The following ZBP1 variants were observed in gnomAD, a reference collection of about 807,000 sequenced individuals.
The protein encoded by ZBP1 is Z-DNA binding protein 1, also known as Z-DNA-binding protein 1.
A neutral mutation model predicts 41.1 loss-of-function variants in ZBP1; 42 were observed. That is an observed-to-expected ratio of 1.02 (90% confidence interval 0.80 to 1.32). The LOEUF is 1.32. Ranked by LOEUF, ZBP1 falls within the 40% of genes most tolerant of loss-of-function variation. The probability of loss-of-function intolerance (pLI) is 0.00; values close to 1 mark genes in which losing one functional copy is unlikely to be tolerated. For missense variants in ZBP1, 562 were observed against 549.7 expected (o/e 1.02, Z -0.22); for synonymous variants, 214 against 205.2 (o/e 1.04, Z -0.37).
rs755572308 is a variant in ZBP1, at chr20:57,604,789, G to A, written c.1094-20C>T. On this transcript the variant is annotated intron_variant, in intron 7 of 7. Transcript: ENST00000371173. Reference sequence around the variant, plus strand: ...GACGACCTAGGGAAGAGAAGATGGGGGATCAGCTTCATGGGCACGTGGCCT... The same window carrying A: ...GACGACCTAGGGAAGAGAAGATGGGAGATCAGCTTCATGGGCACGTGGCCT... The A allele has an allele frequency of 1.9e-6, 3 of 1,604,900 alleles. No homozygotes were observed. Among genetic ancestry groups the A allele is most frequent in the Non-Finnish European group, 2.6e-6 (3 of 1,173,788 alleles).
chr20:57,609,281 C>T (rs1342253499), intron 7 of ZBP1, among the ~76,000 whole-genome samples: 2 of 152,212 alleles, frequency 1.3e-5, no homozygotes, highest in African/African-American at 2.4e-5. Flanking sequence ...TTGGAATCCT[C>T]AGGCTCTGCA....
chr20:57,604,417 C>G lies in ZBP1; in HGVS notation c.*156G>C. On this transcript the variant is annotated 3_prime_UTR_variant, in exon 8 of 8. Coordinates refer to ENST00000371173, the MANE Select transcript of ZBP1 (RefSeq NM_030776.3). Reference sequence around the variant, plus strand: ...AAAAGACCTGGCCTGAACCCATCCCCATGCCAGGTCCATTCCCCCAAAACT... The same window carrying G: ...AAAAGACCTGGCCTGAACCCATCCCGATGCCAGGTCCATTCCCCCAAAACT... 3 of 935,894 alleles carry G rather than the reference C, an allele frequency of 3.2e-6. No homozygotes were observed. In the East Asian group the frequency reaches 7.7e-5, roughly 24 times the overall value. 58.0% of individuals were successfully genotyped at this position (935,894 alleles called of 1,614,324 possible).
chr20:57,612,847 G>T, intron 5 of ZBP1: 5 of 1,154,944 alleles, frequency 4.3e-6, no homozygotes, highest in Non-Finnish European at 5.5e-6. Context: ...GGACCCCATT[G>T]AAAATGAGGC....
intron 7 of ZBP1, chr20:57,607,408 C>T: frequency 2.5e-6 from 3 of 1,183,052 alleles, no homozygotes; most frequent in Non-Finnish European, 3.2e-6. Context: ...TGAGTTGCTT[C>T]TTATGGATGA....
chr20:57,613,190 T>A lies in ZBP1; in HGVS notation c.643A>T (p.Thr215Ser), dbSNP rs1600735801. Residue 215 changes from threonine to serine, a missense_variant, in exon 5 of 8, where the codon ACA (threonine) becomes TCA (serine). By Grantham distance (58) the Thr-to-Ser change is moderately conservative (BLOSUM62 1). Transcript: ENST00000371173. This position sits in a 1 kb window ranked among gnomAD's most constrained non-coding sequence, Gnocchi z 4.5. ...TCCTCCCTGGAGACTGTCTGTCTTG[T>A]AATGATGTTCCCGTGTCCAATCTGG... ...AIQIGHGNII[T>S]RQTVSREDGS... 1.2e-5 allele frequency: 19 copies of A among 1,614,118 alleles called. No homozygotes were observed. Among genetic ancestry groups the A allele is most frequent in the Non-Finnish European group, 1.6e-5 (19 of 1,180,046 alleles).
chr20:57,611,688 G>A (rs1283488102), intron 6 of ZBP1, 39 bp downstream of exon 6: 1 of 1,577,672 alleles, frequency 6.3e-7, no homozygotes. Flanking sequence ...AGGACCCACG[G>A]GGTGGCAGAG....
rs1477756617 is a variant in ZBP1 at position 57,604,786 on chromosome 20, G to A, written c.1094-17C>T. ...GACGACGACCTAGGGAAGAGAAGAT[G>A]GGGGATCAGCTTCATGGGCACGTGG... On this transcript the variant is annotated splice_polypyrimidine_tract_variant and intron_variant, in intron 7 of 7. Coordinates refer to ENST00000371173, the MANE Select transcript of ZBP1 (RefSeq NM_030776.3). 2.5e-6 allele frequency: 4 copies of A among 1,607,116 alleles called. No individual in the cohort carries two copies. Among genetic ancestry groups the A allele is most frequent in the Admixed American group, 1.7e-5 (1 of 59,640 alleles).
At position 57,616,325 on chromosome 20, in the gene ZBP1, G is replaced by A; in HGVS notation, c.178C>T (p.Leu60Phe). The change falls in exon 2 of 8, where the codon CTC (leucine) becomes TTC (phenylalanine). Residue 60 changes from leucine to phenylalanine, a missense_variant. Transcript: ENST00000371173. ...YRMKKELKVS[L>F]TSPATWCLGG... ...AAGCACCAGGTGGCAGGGGATGTGA[G>A]GGAGACTTTCAACTCCTTTTTCATT... is the stretch of plus-strand genomic sequence containing the variant. 6.2e-7 allele frequency: 1 copy of A among 1,614,062 alleles called. No homozygotes were observed. The highest frequency in any genetic ancestry group is 2.2e-5 in the East Asian group (1 of 44,884).
Position 57,620,402 on chromosome 20 carries a change from C to T in ZBP1, c.-107G>A, listed in dbSNP as rs1456572187. 1.8e-5 allele frequency: 23 copies of T among 1,276,194 alleles called. No homozygotes were observed. The East Asian group carries it at 2.9e-4, about 16-fold the overall frequency. The allele number at this position is 1,276,194 out of a possible 1,614,324, so 79.1% of individuals were successfully genotyped here. A position where few individuals can be genotyped will look rare whatever the true frequency, so the allele number is the denominator to read the frequency against. ...TCGAGGCTGGGGCTTCTGAAGTGGCCGAGCCTGGTGCTTCTTGCAGCTCTG... is the reference window on the plus strand; with the variant it reads ...TCGAGGCTGGGGCTTCTGAAGTGGCTGAGCCTGGTGCTTCTTGCAGCTCTG... On this transcript the variant is annotated 5_prime_UTR_variant, in exon 1 of 8. Coordinates refer to ENST00000371173, the MANE Select transcript of ZBP1 (RefSeq NM_030776.3).
Position 57,610,250 on chromosome 20 carries a change from T to G in ZBP1, c.992A>C (p.Asp331Ala). Reference protein sequence around the residue: ...RIHMKSCFLEDATIGNSNKMS... With the variant: ...RIHMKSCFLEAATIGNSNKMS... ...TTTGTTGCTGTTGCCGATGGTGGCG[T>G]CCTCGAGAAAGCACGATTTCATGTG... The change falls in exon 7 of 8, where the codon GAC becomes GCC. Residue 331 changes from aspartate (D) to alanine (A), a missense_variant. Transcript: ENST00000371173. The surrounding 1 kb of genome is among the most constrained non-coding windows in gnomAD (Gnocchi z 5.5). 6.2e-7 allele frequency: 1 copy of G among 1,614,156 alleles called. No homozygotes were observed.
intron 4 of ZBP1, among the ~76,000 whole-genome samples, chr20:57,614,472 AGCTGACCCTGC>A (rs1439988785): frequency 2.0e-5 from 3 of 152,152 alleles, no homozygotes; most frequent in Non-Finnish European, 4.4e-5. Flanking sequence ...CTCACGGGGA[AGCTGACCCTGC>A]GCTGACCCTG....
intron 6 of ZBP1, 84 bp downstream of exon 6, chr20:57,611,643 T>C: frequency 7.1e-7 from 1 of 1,411,982 alleles, no homozygotes; most frequent in Middle Eastern, 2.5e-4. Flanking sequence ...ATGCTTCTCT[T>C]CCCAAAAAGA....
rs144313359 is a variant in ZBP1 at position 57,607,503 on chromosome 20, C to T, written c.1093+2646G>A. The stretch of plus-strand genomic sequence containing the variant: ...TTGAAATGACAACAAAGGATTTAGA[C>T]TGCTATATAAACCTAGTTGGTAAAG... On this transcript the variant is annotated intron_variant, in intron 7 of 7. Coordinates refer to ENST00000371173, the MANE Select transcript of ZBP1 (RefSeq NM_030776.3). 3.0e-4 allele frequency among the ~76,000 whole-genome samples: 46 copies of T among 152,346 alleles called. 1 individual carries two copies. The East Asian group carries it at 7.3e-3, about 24-fold the overall frequency.
chr20:57,607,742 C>A (rs918582803), intron 7 of ZBP1, among the ~76,000 whole-genome samples: 2 of 152,206 alleles, frequency 1.3e-5, no homozygotes, highest in East Asian at 3.8e-4. Context: ...CAGCCATCAA[C>A]ATCAAGGCAA....
At chr20:57,611,995 C>G in intron 5 of ZBP1, 65 bp from the exon 6 acceptor site, 1 of 1,487,902 alleles carries the variant, frequency 6.7e-7, no homozygotes, top group South Asian at 1.2e-5. Context: ...TCCCTCACCA[C>G]CACACGCAGG....
At chr20:57,607,252 A>T (rs1285909405) in intron 7 of ZBP1, 1 of 1,303,674 alleles carries the variant, frequency 7.7e-7, no homozygotes, top group Non-Finnish European at 1.0e-6. Context: ...GTTGATTCCA[A>T]ATTTCATGAA....
Position 57,616,555 on chromosome 20 carries a change from G to A in ZBP1, c.35-87C>T, listed in dbSNP as rs73917614. The A allele has an allele frequency of 2.5e-3, 3,581 of 1,430,480 alleles. 76 individuals are homozygous for A. The African/African-American group carries it at 0.041, about 16-fold the overall frequency. The allele number at this position is 1,430,480 out of a possible 1,614,324, so 88.6% of individuals were successfully genotyped here. On this transcript the variant is annotated intron_variant, in intron 1 of 7. Transcript: ENST00000371173. ...CCAGGCTGGAGGCTCCAGGAGGCAC[G>A]TAGGCCCCTTTTTGAGAGGGGTCCA...
chr20:57,620,201 G>C (rs895946949), intron 1 of ZBP1, 61 bp downstream of exon 1: 74 of 1,536,956 alleles, frequency 4.8e-5, no homozygotes, highest in Non-Finnish European at 5.9e-5. Context: ...CAGGAGGAAA[G>C]AGAAGTAGAA....
At chr20:57,616,899 G>T in intron 1 of ZBP1, 1 of 209,564 alleles carries the variant, frequency 4.8e-6, no homozygotes, top group Non-Finnish European at 9.8e-6. Flanking sequence ...GATGCCCATC[G>T]CCATCCTCCC....
Sources: gnomAD v4.1 joint callset for allele counts (sites outside exome capture counted in the v4.1 genomes callset) on GRCh38, gnomAD v4.1.1 for gene constraint, Gnocchi (gnomAD v3.1) non-coding constraint, MANE v1.5 for transcripts, NCBI Gene and HGNC (gene_info 2026-07-23, HGNC 2026-07-21) for gene names.